Variants in C6orf118 observed in about 807,000 individuals in gnomAD.
C6orf118 encodes uncharacterized protein C6orf118.
In C6orf118, 50 loss-of-function variants were observed where a neutral mutation model predicts 50.2. The ratio of observed to expected loss-of-function variants is 1.00; its 90% CI spans 0.79 to 1.26. The LOEUF (loss-of-function observed/expected upper bound fraction) is 1.26, where lower values mean the gene tolerates loss of function less well. Ranked by LOEUF, C6orf118 falls within the 50% of genes most tolerant of loss-of-function variation. C6orf118 has a pLI of 0.00. For synonymous variants in C6orf118, 239 were observed against 230.9 expected (o/e 1.03, Z -0.32); for missense variants, 641 against 578.7 (o/e 1.11, Z -1.10).
At chr6:165,287,462 C>T (rs1271537767) in intron 7 of C6orf118, among the ~76,000 whole-genome samples, 1 of 152,002 alleles carries the variant, frequency 6.6e-6, no homozygotes, top group Admixed American at 6.6e-5. Context: ...CAAAAAAGAT[C>T]CCCTATAGCC....
intron 5 of C6orf118, among the ~76,000 whole-genome samples, chr6:165,294,292 A>G (rs1394593053): frequency 6.6e-6 from 1 of 151,596 alleles, no homozygotes; most frequent in Non-Finnish European, 1.5e-5. Flanking sequence ...GTAAATAAAT[A>G]AGTAAATAAT....
chr6:165,306,705 C>T (rs1420670631), intron 1 of C6orf118, among the ~76,000 whole-genome samples: 1 of 152,032 alleles, frequency 6.6e-6, no homozygotes, highest in Admixed American at 6.6e-5. Flanking sequence ...TTGTGTTATC[C>T]TTTGTTTATT....
In C6orf118 at chr6:165,302,283, C is replaced by T. The variant is rs758223091; in HGVS notation, c.39G>A (p.Trp13Ter). 1.9e-6 allele frequency: 3 copies of T among 1,613,026 alleles called. No individual in the cohort carries two copies. Among genetic ancestry groups the T allele is most frequent in the South Asian group, 1.1e-5 (1 of 91,064 alleles). ...EEREPELYLK[W>*]KHCETPGVKT... Reference sequence around the variant, plus strand: ...TCACGCCTGGCGTCTCGCAGTGCTTCCACTTCAGGTACACTGGTCAGAAAA... The same window carrying T: ...TCACGCCTGGCGTCTCGCAGTGCTTTCACTTCAGGTACACTGGTCAGAAAA... Residue 13 changes from tryptophan (W) to a stop codon, truncating the protein, a stop_gained, in exon 2 of 9, where the codon TGG becomes TGA. Transcript: ENST00000230301. LOFTEE classifies it high-confidence loss of function.
chr6:165,286,148 A>G (rs1176460661), intron 7 of C6orf118, among the ~76,000 whole-genome samples: 1 of 152,154 alleles, frequency 6.6e-6, no homozygotes, highest in Non-Finnish European at 1.5e-5. Context: ...ATGCTAAAAC[A>G]CCTCTATGCA....
intron 1 of C6orf118, among the ~76,000 whole-genome samples, chr6:165,307,526 C>G (rs949689841): frequency 3.3e-5 from 5 of 151,116 alleles, no homozygotes; most frequent in Non-Finnish European, 7.4e-5. Flanking sequence ...CCACTGCACT[C>G]CAGCCTGGAC....
intron 6 of C6orf118, among the ~76,000 whole-genome samples, chr6:165,291,531 G>A (rs1439477961): frequency 6.6e-6 from 1 of 152,146 alleles, no homozygotes; most frequent in African/African-American, 2.4e-5. Flanking sequence ...CCAGGGGGAT[G>A]CCAATTTAGA....
At chr6:165,298,902 T>A (rs748227427) in intron 4 of C6orf118, among the ~76,000 whole-genome samples, 12 of 152,246 alleles carry the variant, frequency 7.9e-5, no homozygotes, top group Non-Finnish European at 1.5e-4. Context: ...TGTATTGAAT[T>A]CAAAATACCA....
chr6:165,298,065 G>A lies in C6orf118; in HGVS notation c.973C>T (p.Pro325Ser). Reference sequence around the variant, plus strand: ...AGATCCATGTCCGCCGTCTTCACCGGCCTCTGCCCCAGCGCCTTGAGTTGA... The same window carrying A: ...AGATCCATGTCCGCCGTCTTCACCGACCTCTGCCCCAGCGCCTTGAGTTGA... ...LAQLKALGQR[P>S]VKTADMDLAR... The change falls in exon 5 of 9, where the codon CCG becomes TCG. Residue 325 changes from proline (P) to serine (S), a missense_variant. Pro to Ser is a moderately conservative substitution (Grantham distance 74). Coordinates refer to ENST00000230301, the MANE Select transcript of C6orf118 (RefSeq NM_144980.4). The A allele has an allele frequency of 6.2e-7, 1 of 1,612,050 alleles. No individual in the cohort carries two copies. Among genetic ancestry groups the A allele is most frequent in the Non-Finnish European group, 8.5e-7 (1 of 1,178,974 alleles).
intron 6 of C6orf118, 46 bp from the exon 7 acceptor site, chr6:165,290,113 A>C: frequency 3.3e-5 from 38 of 1,160,060 alleles, no homozygotes; most frequent in Non-Finnish European, 4.4e-5. Flanking sequence ...TTAATATCTC[A>C]GTTATTATTA....
intron 5 of C6orf118, 104 bp from the exon 6 acceptor site, chr6:165,293,575 T>C (rs1780182613): frequency 7.2e-6 from 6 of 834,210 alleles, no homozygotes; most frequent in South Asian, 5.4e-5. Context: ...GAAATTAAAA[T>C]AGATCTGCTT....
intron 5 of C6orf118, 95 bp downstream of exon 5, chr6:165,297,882 G>A (rs980465149): frequency 7.7e-6 from 12 of 1,557,884 alleles, no homozygotes; most frequent in East Asian, 4.5e-5. Context: ...TTTCAGCAAC[G>A]CAGAAATCAA....
intron 1 of C6orf118, among the ~76,000 whole-genome samples, chr6:165,302,827 T>C (rs547829994): frequency 6.6e-6 from 1 of 152,298 alleles, no homozygotes; most frequent in East Asian, 1.9e-4. Flanking sequence ...CCCAGGGCTT[T>C]TGAACCACAG....
intron 3 of C6orf118, 140 bp downstream of exon 3, chr6:165,300,224 G>A (rs1780467295): frequency 1.1e-6 from 1 of 942,350 alleles, no homozygotes. Flanking sequence ...ATGACCTCGA[G>A]TCTCTGGGAG....
intron 1 of C6orf118, 61 bp from the exon 2 acceptor site, chr6:165,302,357 G>T: frequency 1.3e-6 from 2 of 1,556,990 alleles, no homozygotes; most frequent in Non-Finnish European, 1.7e-6. Context: ...TAAGTCAGCT[G>T]GTGCACTGGC....
At chr6:165,289,782 T>A (rs1032047043) in intron 7 of C6orf118, 104 bp downstream of exon 7, 1 of 661,008 alleles carries the variant, frequency 1.5e-6, no homozygotes, top group African/African-American at 1.9e-5. Flanking sequence ...TGGGCCAAAT[T>A]TTATGATTTT....
At chr6:165,292,869 T>A (rs1395852887) in intron 6 of C6orf118, among the ~76,000 whole-genome samples, 1 of 152,078 alleles carries the variant, frequency 6.6e-6, no homozygotes, top group Non-Finnish European at 1.5e-5. Context: ...CTGGCAAGGA[T>A]CTTCGAGGCC....
intron 2 of C6orf118, among the ~76,000 whole-genome samples, chr6:165,300,972 C>T (rs964076096): frequency 3.9e-5 from 6 of 152,108 alleles, no homozygotes; most frequent in African/African-American, 7.2e-5. Flanking sequence ...TCAGCTCTCC[C>T]TCTGCCCTCA....
intron 7 of C6orf118, among the ~76,000 whole-genome samples, chr6:165,286,107 A>G (rs1562322859): frequency 6.6e-6 from 1 of 152,130 alleles, no homozygotes; most frequent in East Asian, 1.9e-4. Flanking sequence ...ATCACCACTG[A>G]CCCCACAGAA....
chr6:165,302,623 A>G (rs1780600279), intron 1 of C6orf118, among the ~76,000 whole-genome samples: 1 of 152,248 alleles, frequency 6.6e-6, no homozygotes, highest in Admixed American at 6.5e-5. Context: ...AGAAAAGTGT[A>G]CAATCTTAAT....
Sources: allele counts gnomAD v4.1 joint callset (sites outside exome capture counted in the v4.1 genomes callset), GRCh38; gene constraint gnomAD v4.1.1; transcripts MANE v1.5; gene names NCBI Gene and HGNC (gene_info 2026-07-23, HGNC 2026-07-21).